Variants in CCNH observed in about 807,000 individuals in gnomAD.
CCNH encodes cyclin H.
Under a neutral mutation model 41.9 loss-of-function variants are expected in CCNH, and 31 were observed. The observed-to-expected ratio is 0.74, with a 90% CI of 0.56 to 1.00. The LOEUF is 1.00. CCNH is among the 50% of genes least tolerant of loss of function. The pLI is 0.00. For synonymous variants in CCNH, 138 were observed against 136.1 expected (o/e 1.01, Z -0.10); for missense variants, 362 against 388.4 (o/e 0.93, Z 0.57).
chr5:87,353,620 ACTTTTT>A (rs1448370705), intron 9 of CCNH, among the ~76,000 whole-genome samples: 1 of 152,100 alleles, frequency 6.6e-6, no homozygotes, highest in African/African-American at 2.4e-5. Flanking sequence ...AATGGTTTAC[ACTTTTT>A]CTTTGTTTAT....
chr5:87,375,843 T>C (rs1347999498), downstream of CCNH, among the ~76,000 whole-genome samples: 1 of 152,248 alleles, frequency 6.6e-6, no homozygotes, highest in Non-Finnish European at 1.5e-5. Flanking sequence ...AAAATGTTTA[T>C]TCTGTAGTTT....
chr5:87,401,611 T>G, intron 6 of CCNH, 91 bp downstream of exon 6: 2 of 777,478 alleles, frequency 2.6e-6, no homozygotes, highest in Admixed American at 3.0e-5. Context: ...AACAAAAATC[T>G]GTTATATTTC....
At chr5:87,396,579 C>G (rs1762982048) in intron 7 of CCNH, among the ~76,000 whole-genome samples, 1 of 152,074 alleles carries the variant, frequency 6.6e-6, no homozygotes, top group South Asian at 2.1e-4. Context: ...GAGATCACGC[C>G]ACTGCACTCA....
intron 9 of CCNH, chr5:87,330,944 T>G (rs1295003703): frequency 7.0e-7 from 1 of 1,429,128 alleles, no homozygotes; most frequent in African/African-American, 1.5e-5. Context: ...ATAGGTTCCA[T>G]GTGCCTTGTG....
At chr5:87,385,504 T>C (rs1274739736) in intron 9 of CCNH, 7 of 787,880 alleles carry the variant, frequency 8.9e-6, no homozygotes, top group African/African-American at 3.5e-5. Context: ...CGATGAAAGA[T>C]TATTTTTGTT....
intron 9 of CCNH, among the ~76,000 whole-genome samples, chr5:87,321,487 C>T (rs1236922505): frequency 6.6e-6 from 1 of 152,144 alleles, no homozygotes; most frequent in East Asian, 1.9e-4. Context: ...CAGATGGCTT[C>T]GAGTTGGGGT....
chr5:87,349,096 T>G, intron 9 of CCNH: 1 of 1,257,968 alleles, frequency 7.9e-7, no homozygotes, highest in Non-Finnish European at 1.1e-6. Flanking sequence ...AAAAAACAAG[T>G]TCCTGGTGAA....
chr5:87,316,885 A>G (rs80289350), downstream of CCNH, among the ~76,000 whole-genome samples: 21 of 143,416 alleles, frequency 1.5e-4, no homozygotes, highest in Non-Finnish European at 2.6e-4. Context: ...TGGATACCAC[A>G]TTTTTTTTTT....
At chr5:87,393,219 T>TGAG (rs1762649088), downstream of CCNH, among the ~76,000 whole-genome samples, 1 of 152,158 alleles carries the variant, frequency 6.6e-6, no homozygotes, top group African/African-American at 2.4e-5. Context: ...TGGGATGTAC[T>TGAG]GAGACTGAGG....
chr5:87,377,061 T>G (rs1423322760), exon 1 of CCNH: 1 of 1,606,080 alleles, frequency 6.2e-7, no homozygotes, highest in East Asian at 2.2e-5. Flanking sequence ...GCCATGTTAG[T>G]GTGATACAAG....
At chr5:87,335,321 A>C (rs1465041965) in intron 9 of CCNH, among the ~76,000 whole-genome samples, 2 of 151,956 alleles carry the variant, frequency 1.3e-5, no homozygotes, top group South Asian at 2.1e-4. Context: ...TTGAGTAAAA[A>C]TTTGAATTTT....
downstream of CCNH, among the ~76,000 whole-genome samples, chr5:87,390,281 TGTAGTTTCAGGAG>T (rs1762404361): frequency 6.6e-6 from 1 of 152,174 alleles, no homozygotes; most frequent in South Asian, 2.1e-4. Flanking sequence ...TAGTTTCTAA[TGTAGTTTCAGGAG>T]ATAGTGAATG....
chr5:87,397,893 T>C (rs948327898), intron 7 of CCNH, among the ~76,000 whole-genome samples: 1 of 152,238 alleles, frequency 6.6e-6, no homozygotes, highest in South Asian at 2.1e-4. Context: ...TGCTGTATCA[T>C]GAAAATAGCC....
chr5:87,361,040 C>A (rs1021100257), intron 9 of CCNH, among the ~76,000 whole-genome samples: 1 of 152,018 alleles, frequency 6.6e-6, no homozygotes, highest in Admixed American at 6.6e-5. Flanking sequence ...ACACACACAC[C>A]CAGAGTGATG....
In CCNH at chr5:87,404,867, G is replaced by T; in HGVS notation, c.666C>A (p.Ser222=). 6.2e-7 allele frequency: 1 copy of T among 1,613,124 alleles called. No individual in the cohort carries two copies. Among genetic ancestry groups the T allele is most frequent in the Non-Finnish European group, 8.5e-7 (1 of 1,179,532 alleles). The change falls in exon 5 of 9, where the codon TCC becomes TCA. Residue 222 remains serine (S), a synonymous_variant. Coordinates refer to ENST00000256897, the MANE Select transcript of CCNH (RefSeq NM_001239.4). ...IALTAILSSA[S]RAGITMESYL... ...ACCTTTCCATAGTAATTCCAGCCCT[G>T]GAGGCACTAGATAAAATGGCAGTCA...
chr5:87,380,806 T>C (rs981823784), upstream of CCNH, among the ~76,000 whole-genome samples: 1 of 152,166 alleles, frequency 6.6e-6, no homozygotes, highest in Non-Finnish European at 1.5e-5. Flanking sequence ...TGAACATTCA[T>C]TTATAGTCAA....
At chr5:87,358,382 G>T (rs904567788) in intron 9 of CCNH, among the ~76,000 whole-genome samples, 6 of 152,156 alleles carry the variant, frequency 3.9e-5, no homozygotes, top group African/African-American at 9.7e-5. Flanking sequence ...CTACAATGAT[G>T]CCTATTTCAA....
intron 9 of CCNH, among the ~76,000 whole-genome samples, chr5:87,350,089 C>G (rs183609391): frequency 8.1e-4 from 123 of 151,896 alleles, no homozygotes; most frequent in Non-Finnish European, 1.4e-3. Context: ...CAGCAGTATT[C>G]TCTATCTGAA....
At chr5:87,362,753 A>G in intron 9 of CCNH, 1 of 1,493,382 alleles carries the variant, frequency 6.7e-7, no homozygotes. Flanking sequence ...ATATATATTT[A>G]ATAAGTTTTG....
Sources: allele counts gnomAD v4.1 joint callset (sites outside exome capture counted in the v4.1 genomes callset), GRCh38; gene constraint gnomAD v4.1.1; transcripts MANE v1.5; gene names NCBI Gene and HGNC (gene_info 2026-07-23, HGNC 2026-07-21).